Variants in S100A8 observed in about 807,000 individuals in gnomAD.
The protein encoded by S100A8 is S100 calcium binding protein A8, also known as protein S100-A8.
In S100A8, 1 loss-of-function variant was observed where a neutral mutation model predicts 4.2. The observed-to-expected ratio is 0.24, with a 90% CI of 0.08 to 1.12. S100A8 has a LOEUF of 1.12. Ranked by LOEUF, S100A8 falls within the 50% of genes most tolerant of loss-of-function variation. The pLI is 0.53. For missense variants in S100A8, 96 were observed against 111.8 expected (o/e 0.86, Z 0.64); for synonymous variants, 41 against 44.7 (o/e 0.92, Z 0.33).
At chr1:153,402,767 A>G in the S100A8 span, among the ~76,000 whole-genome samples, 2 of 152,230 alleles carry the variant, frequency 1.3e-5, no homozygotes, top group Non-Finnish European at 1.5e-5. Context: ...GAAATTGACA[A>G]GTTAACTGTA....
chr1:153,401,024 T>G, the S100A8 span, among the ~76,000 whole-genome samples: 1 of 152,200 alleles, frequency 6.6e-6, no homozygotes, highest in Non-Finnish European at 1.5e-5. Flanking sequence ...CCCTACCTTT[T>G]GTTCACTCTG....
At chr1:153,391,250 G>C, upstream of S100A8, 1 of 972,854 alleles carries the variant, frequency 1.0e-6, no homozygotes, top group Non-Finnish European at 1.2e-6. Flanking sequence ...GGTAGGAGAA[G>C]CGGAAAGAGG....
chr1:153,411,969 C>T, the S100A8 span, among the ~76,000 whole-genome samples: 2,842 of 152,190 alleles, frequency 0.019, 84 homozygotes, highest in African/African-American at 0.063. Context: ...TTACACCTTA[C>T]ACAAAAATTA....
the S100A8 span, among the ~76,000 whole-genome samples, chr1:153,403,490 G>A: frequency 2.6e-5 from 4 of 152,086 alleles, no homozygotes; most frequent in Admixed American, 1.3e-4. Context: ...AATCTGACAC[G>A]ACTCTTGCTC....
the S100A8 span, chr1:153,418,321 A>T: frequency 6.6e-7 from 1 of 1,508,986 alleles, no homozygotes; most frequent in Non-Finnish European, 9.0e-7. Context: ...TCATCCTCTG[A>T]TTAAAAAGTT....
upstream of S100A8, among the ~76,000 whole-genome samples, chr1:153,394,578 A>C (rs1662173101): frequency 6.6e-6 from 1 of 152,172 alleles, no homozygotes; most frequent in Non-Finnish European, 1.5e-5. Flanking sequence ...GTGTGGCAGA[A>C]GATGCCCTTC....
chr1:153,409,001 C>A, the S100A8 span, among the ~76,000 whole-genome samples: 1 of 152,154 alleles, frequency 6.6e-6, no homozygotes, highest in East Asian at 1.9e-4. Flanking sequence ...AAGGAACAAC[C>A]GTTACCAGCC....
the S100A8 span, among the ~76,000 whole-genome samples, chr1:153,401,400 G>C: frequency 6.6e-6 from 1 of 152,128 alleles, no homozygotes; most frequent in Admixed American, 6.5e-5. Flanking sequence ...TAGTCTGTAG[G>C]TGGAGACAGA....
chr1:153,414,877 A>T, the S100A8 span, among the ~76,000 whole-genome samples: 74 of 152,266 alleles, frequency 4.9e-4, no homozygotes, highest in African/African-American at 1.7e-3. Flanking sequence ...CCTAAATAAC[A>T]CGCATTGTAC....
chr1:153,400,974 C>A, the S100A8 span, among the ~76,000 whole-genome samples: 1 of 152,194 alleles, frequency 6.6e-6, no homozygotes, highest in African/African-American at 2.4e-5. Flanking sequence ...TCATTTCTGA[C>A]CTATGGCTGG....
chr1:153,418,237 T>C, the S100A8 span: 1 of 1,613,896 alleles, frequency 6.2e-7, no homozygotes, highest in South Asian at 1.1e-5. Context: ...AGTTGGGGTC[T>C]AGCTTCTCAA....
At chr1:153,400,409 C>T in the S100A8 span, among the ~76,000 whole-genome samples, 1 of 152,070 alleles carries the variant, frequency 6.6e-6, no homozygotes, top group Admixed American at 6.5e-5. Context: ...TTCTCCCAGC[C>T]GGCCCCTTCT....
At chr1:153,398,509 A>G in the S100A8 span, among the ~76,000 whole-genome samples, 1 of 152,086 alleles carries the variant, frequency 6.6e-6, no homozygotes, top group Non-Finnish European at 1.5e-5. Context: ...CATCAGCACC[A>G]TCCCTTCAGC....
the S100A8 span, chr1:153,417,992 C>T: frequency 5.7e-6 from 9 of 1,567,906 alleles, no homozygotes; most frequent in Non-Finnish European, 7.0e-6. Flanking sequence ...TGTCCTCAGC[C>T]CTCCTTCTAA....
At chr1:153,410,718 G>A in the S100A8 span, among the ~76,000 whole-genome samples, 2 of 152,138 alleles carry the variant, frequency 1.3e-5, no homozygotes, top group Admixed American at 6.5e-5. Flanking sequence ...ATGAATATCA[G>A]TGGGAAAATC....
At chr1:153,405,784 T>G in the S100A8 span, among the ~76,000 whole-genome samples, 4 of 152,182 alleles carry the variant, frequency 2.6e-5, no homozygotes, top group East Asian at 7.7e-4. Flanking sequence ...TCTGTGTCTT[T>G]TTTTAACCCT....
At chr1:153,416,025 C>T in the S100A8 span, among the ~76,000 whole-genome samples, 1 of 152,168 alleles carries the variant, frequency 6.6e-6, no homozygotes, top group Non-Finnish European at 1.5e-5. Context: ...ATTGCAGCAC[C>T]TGCTTCTTAA....
upstream of S100A8, among the ~76,000 whole-genome samples, chr1:153,394,375 G>A (rs924068666): frequency 6.6e-5 from 10 of 152,204 alleles, no homozygotes; most frequent in East Asian, 1.5e-3. Flanking sequence ...CCTGCAAGAA[G>A]AGTGGCCAAA....
At chr1:153,415,721 GC>G in the S100A8 span, among the ~76,000 whole-genome samples, 342 of 108,042 alleles carry the variant, frequency 3.2e-3, 3 homozygotes, top group African/African-American at 0.014. Flanking sequence ...GGCGGGGGGG[GC>G]GGGGGTCACT....
Sources: gnomAD v4.1 joint callset for allele counts (sites outside exome capture counted in the v4.1 genomes callset) on GRCh38, gnomAD v4.1.1 for gene constraint, MANE v1.5 for transcripts, NCBI Gene and HGNC (gene_info 2026-07-23, HGNC 2026-07-21) for gene names.